IGFL2: variants seen among roughly 807,000 people sequenced by gnomAD.
The protein encoded by IGFL2 is IGF like family member 2.
IGFL2 carries 7 observed loss-of-function variants against 13.9 expected under a neutral mutation model. That is an observed-to-expected ratio of 0.51 (90% CI 0.29 to 0.95). IGFL2 has a LOEUF of 0.95. Ranked by LOEUF, IGFL2 falls within the 40% of genes least tolerant of loss-of-function variation. The probability of loss-of-function intolerance (pLI) is 0.08; values close to 1 mark genes in which losing one functional copy is unlikely to be tolerated. For missense variants in IGFL2, 138 were observed against 147.8 expected, an observed-to-expected ratio of 0.93 and a Z score of 0.34; for synonymous variants, 55 against 55.8, an observed-to-expected ratio of 0.99 and a Z score of 0.07.
chr19:46,124,257 C>T, the IGFL2 span: 1 of 1,610,214 alleles, frequency 6.2e-7, no homozygotes, highest in Non-Finnish European at 8.5e-7. Flanking sequence ...TTTTCCCTGT[C>T]CTGTCCTTAC....
In IGFL2 at chr19:46,152,904, C is replaced by T. The variant is rs539905081; in HGVS notation, c.19+4607C>T. On this transcript the variant is annotated intron_variant, in intron 1 of 3. Transcript: ENST00000377693. The stretch of plus-strand genomic sequence containing the variant: ...GAAAGAGTGTAGATTTTGTCAAATG[C>T]TCTTTCAGTATCATTTGAGAGAATT... 8.1e-4 allele frequency among the ~76,000 whole-genome samples: 124 copies of T among 152,150 alleles called. 2 individuals are homozygous for T. The Middle Eastern group carries it at 0.017, about 21-fold the overall frequency.
the IGFL2 span, chr19:46,137,255 C>G: frequency 2.2e-6 from 3 of 1,365,358 alleles, no homozygotes; most frequent in East Asian, 6.9e-5. Flanking sequence ...TGGATCTTTG[C>G]CATCCTTTCT....
the IGFL2 span, among the ~76,000 whole-genome samples, chr19:46,166,773 C>A: frequency 3.3e-5 from 5 of 152,308 alleles, no homozygotes; most frequent in East Asian, 9.6e-4. Context: ...GATATTTCTC[C>A]CATTTGCTTT....
the IGFL2 span, among the ~76,000 whole-genome samples, chr19:46,093,111 CTCTT>C: frequency 6.6e-6 from 1 of 152,042 alleles, no homozygotes; most frequent in Non-Finnish European, 1.5e-5. Context: ...GAAGTTGCCT[CTCTT>C]TATTGGTGAT....
At chr19:46,117,290 GC>G in the IGFL2 span, among the ~76,000 whole-genome samples, 2 of 152,046 alleles carry the variant, frequency 1.3e-5, no homozygotes, top group African/African-American at 4.8e-5. Flanking sequence ...TCACTATGTT[GC>G]CCAGGCTGGT....
At chr19:46,082,034 A>G in the IGFL2 span, among the ~76,000 whole-genome samples, 1 of 152,216 alleles carries the variant, frequency 6.6e-6, no homozygotes, top group East Asian at 1.9e-4. Flanking sequence ...TTTGAAGGCT[A>G]TTTTAGCAGA....
chr19:46,116,742 A>G, the IGFL2 span, among the ~76,000 whole-genome samples: 1 of 152,182 alleles, frequency 6.6e-6, no homozygotes, highest in African/African-American at 2.4e-5. Context: ...GTGATGTTCT[A>G]ATTCATGTAA....
chr19:46,107,367 GT>G, the IGFL2 span, among the ~76,000 whole-genome samples: 2 of 152,220 alleles, frequency 1.3e-5, no homozygotes, highest in African/African-American at 4.8e-5. Flanking sequence ...TTGGGCCAGA[GT>G]TCCAGGGGCT....
the IGFL2 span, among the ~76,000 whole-genome samples, chr19:46,134,010 G>A: frequency 1.3e-5 from 2 of 152,196 alleles, no homozygotes; most frequent in South Asian, 2.1e-4. Flanking sequence ...GGCAAAGTGT[G>A]GGAATTGACA....
chr19:46,108,753 C>T, the IGFL2 span, among the ~76,000 whole-genome samples: 1 of 152,116 alleles, frequency 6.6e-6, no homozygotes. Context: ...GGCAGGCATC[C>T]CCACAGTGAT....
chr19:46,119,769 G>A, the IGFL2 span, among the ~76,000 whole-genome samples: 1 of 147,592 alleles, frequency 6.8e-6, no homozygotes, highest in Non-Finnish European at 1.5e-5. Context: ...TCAGCCTGTA[G>A]TGCTCAATTG....
chr19:46,111,886 T>C, the IGFL2 span: 1 of 152,158 alleles, frequency 6.6e-6, no homozygotes, highest in Non-Finnish European at 1.5e-5. Flanking sequence ...CATTATGAAG[T>C]ATATCCATGT....
the IGFL2 span, among the ~76,000 whole-genome samples, chr19:46,083,185 A>G: frequency 6.6e-6 from 1 of 152,216 alleles, no homozygotes; most frequent in Non-Finnish European, 1.5e-5. Flanking sequence ...TTCTACTTCC[A>G]GGGCTGTTAC....
upstream of IGFL2, among the ~76,000 whole-genome samples, chr19:46,138,636 T>C (rs1972714560): frequency 6.6e-6 from 1 of 152,134 alleles, no homozygotes; most frequent in Non-Finnish European, 1.5e-5. Context: ...GTGGGACCTG[T>C]CTGCAAAGGC....
the IGFL2 span, among the ~76,000 whole-genome samples, chr19:46,205,332 G>A: frequency 6.6e-6 from 1 of 152,122 alleles, no homozygotes; most frequent in Non-Finnish European, 1.5e-5. Context: ...AGGCTACCTG[G>A]GACTAGGCAT....
At chr19:46,157,919 A>G (rs748769275) in intron 1 of IGFL2, among the ~76,000 whole-genome samples, 15 of 152,216 alleles carry the variant, frequency 9.9e-5, no homozygotes, top group Non-Finnish European at 1.8e-4. Context: ...CCTATAACTA[A>G]TAAGTGAGTT....
At chr19:46,163,097 T>C (rs1974238446), downstream of IGFL2, among the ~76,000 whole-genome samples, 3 of 152,168 alleles carry the variant, frequency 2.0e-5, no homozygotes, top group East Asian at 5.8e-4. Context: ...CGCTTTGGGG[T>C]GTGATCCAGC....
the IGFL2 span, among the ~76,000 whole-genome samples, chr19:46,179,136 G>GCTGC: frequency 6.6e-6 from 1 of 151,796 alleles, no homozygotes; most frequent in Admixed American, 6.6e-5. Flanking sequence ...GAGAGGCAGG[G>GCTGC]ATGCAGGGGT....
chr19:46,148,939 C>G lies in IGFL2; in HGVS notation c.19+642C>G, dbSNP rs748733036. The stretch of plus-strand genomic sequence containing the variant: ...CTCGAACCAGACCCAGCCCTGTAGC[C>G]CAGGCACTATTGCCTGGAGTTCCTG... On this transcript the variant is annotated intron_variant, in intron 1 of 3. Transcript: ENST00000377693. The G allele has an allele frequency of 3.3e-5, 51 of 1,563,808 alleles. No homozygotes were observed. In the African/African-American group the frequency reaches 6.1e-4, roughly 19 times the overall value.
Sources: gnomAD v4.1 joint callset for allele counts (sites outside exome capture counted in the v4.1 genomes callset) on GRCh38, gnomAD v4.1.1 for gene constraint, MANE v1.5 for transcripts, NCBI Gene and HGNC (gene_info 2026-07-23, HGNC 2026-07-21) for gene names.